Variants in SPNS3 observed in about 807,000 individuals in gnomAD.
SPNS3 encodes protein spinster homolog 3.
In SPNS3, 51 loss-of-function variants were observed where a neutral mutation model predicts 54.4. The observed-to-expected ratio is 0.94, with a 90% CI of 0.75 to 1.18. The LOEUF is 1.18. Among genes scored for constraint, SPNS3 ranks in the 50% most tolerant of loss-of-function variants. SPNS3 has a pLI of 0.00. For missense variants in SPNS3, 669 were observed against 677.4 expected (o/e 0.99, Z 0.14); for synonymous variants, 309 against 294.7 (o/e 1.05, Z -0.50).
At chr17:4,436,216 G>T (rs773665818) in intron 1 of SPNS3, among the ~76,000 whole-genome samples, 1 of 152,182 alleles carries the variant, frequency 6.6e-6, no homozygotes, top group Non-Finnish European at 1.5e-5. Context: ...GGTGCCTGCA[G>T]CTGCCAGGCA....
At chr17:4,465,044 T>G (rs1215523409) in intron 8 of SPNS3, among the ~76,000 whole-genome samples, 2 of 152,230 alleles carry the variant, frequency 1.3e-5, no homozygotes, top group Non-Finnish European at 2.9e-5. Flanking sequence ...CAAGAACATT[T>G]ATTTTGCTCA....
chr17:4,458,148 G>A (rs62064861), intron 8 of SPNS3, among the ~76,000 whole-genome samples: 24,072 of 151,838 alleles, frequency 0.16, 1,936 homozygotes, highest in Middle Eastern at 0.23. Flanking sequence ...CCTCCTCTCC[G>A]TCCTCTCTGC....
intron 8 of SPNS3, among the ~76,000 whole-genome samples, chr17:4,460,609 T>TA (rs1409601604): frequency 1.2e-4 from 17 of 142,912 alleles, no homozygotes; most frequent in Non-Finnish European, 1.5e-4. Flanking sequence ...TTTTTTGTAT[T>TA]TTTTTTTTTT....
intron 8 of SPNS3, among the ~76,000 whole-genome samples, chr17:4,463,223 C>A (rs144997869): frequency 0.015 from 2,347 of 151,522 alleles, 56 homozygotes; most frequent in African/African-American, 0.054. Flanking sequence ...CATGGTGAAA[C>A]CCTGTCTCTA....
At chr17:4,482,891 C>T (rs1419049540) in intron 9 of SPNS3, among the ~76,000 whole-genome samples, 1 of 152,170 alleles carries the variant, frequency 6.6e-6, no homozygotes, top group Non-Finnish European at 1.5e-5. Flanking sequence ...CCCAGGGGCA[C>T]GATCTCTGGA....
At chr17:4,476,463 C>T (rs1412789322) in intron 8 of SPNS3, among the ~76,000 whole-genome samples, 8 of 152,046 alleles carry the variant, frequency 5.3e-5, no homozygotes, top group Admixed American at 2.0e-4. Flanking sequence ...TGGGGGACAG[C>T]GTGCCTGGGC....
chr17:4,448,538 G>A (rs966624689), intron 6 of SPNS3, among the ~76,000 whole-genome samples: 4 of 152,196 alleles, frequency 2.6e-5, no homozygotes, highest in Non-Finnish European at 5.9e-5. Flanking sequence ...GGGAGATGGC[G>A]TGAGCCCCAG....
chr17:4,456,925 G>A (rs901683907), intron 8 of SPNS3, among the ~76,000 whole-genome samples: 7 of 152,120 alleles, frequency 4.6e-5, no homozygotes, highest in Non-Finnish European at 8.8e-5. Flanking sequence ...ATTTTGACCA[G>A]GCTGGTCTCA....
At chr17:4,467,048 G>A (rs1971695148) in intron 8 of SPNS3, among the ~76,000 whole-genome samples, 1 of 152,162 alleles carries the variant, frequency 6.6e-6, no homozygotes, top group African/African-American at 2.4e-5. Flanking sequence ...CCATGCGGAG[G>A]GCAGCCTGTG....
At chr17:4,484,573 A>C (rs1202329407) in intron 9 of SPNS3, among the ~76,000 whole-genome samples, 1 of 152,142 alleles carries the variant, frequency 6.6e-6, no homozygotes, top group Non-Finnish European at 1.5e-5. Flanking sequence ...CACCTGCCTC[A>C]GTCTCCCAAA....
intron 3 of SPNS3, among the ~76,000 whole-genome samples, chr17:4,445,537 A>G (rs1597306958): frequency 6.6e-6 from 1 of 152,110 alleles, no homozygotes; most frequent in African/African-American, 2.4e-5. Flanking sequence ...CACCACGCCC[A>G]GCTAATTTTT....
chr17:4,478,439 G>A (rs914627725), intron 8 of SPNS3, 133 bp from the exon 9 acceptor site: 34 of 763,912 alleles, frequency 4.5e-5, no homozygotes, highest in Middle Eastern at 2.4e-4. Flanking sequence ...GGCCTTCCTC[G>A]CTCACTCCAA....
intron 9 of SPNS3, among the ~76,000 whole-genome samples, chr17:4,484,318 ATTATT>A (rs1445645579): frequency 6.6e-6 from 1 of 152,142 alleles, no homozygotes; most frequent in Non-Finnish European, 1.5e-5. Context: ...GGCAATTATT[ATTATT>A]TTATTATTAT....
chr17:4,437,098 C>T (rs1043737322), intron 1 of SPNS3, among the ~76,000 whole-genome samples: 4 of 152,168 alleles, frequency 2.6e-5, no homozygotes, highest in East Asian at 3.9e-4. Flanking sequence ...GAAGTGAAAC[C>T]GTGCTGAGCA....
chr17:4,486,517 G>A lies in SPNS3; in HGVS notation c.1384G>A (p.Gly462Ser), dbSNP rs372597861. Reference sequence around the variant, plus strand: ...CGCCTTTGTCATCGCCCTGGGGGGCGGCTGCTTCCTGCTGACTGCGCTGTA... The same window carrying A: ...CGCCTTTGTCATCGCCCTGGGGGGCAGCTGCTTCCTGCTGACTGCGCTGTA... The part of the protein sequence containing the change: ...CCAFVIALGG[G>S]CFLLTALYLE... Residue 462 changes from glycine (G) to serine (S), a missense_variant, in exon 11 of 12, where the codon GGC becomes AGC. Coordinates refer to ENST00000355530, the MANE Select transcript of SPNS3 (RefSeq NM_182538.5). The surrounding 1 kb of genome is among the most constrained non-coding windows in gnomAD (Gnocchi z 5.5). 24 of 1,613,638 alleles carry A rather than the reference G, an allele frequency of 1.5e-5. No homozygotes were observed. Among genetic ancestry groups the A allele is most frequent in the Admixed American group, 6.7e-5 (4 of 60,004 alleles).
intron 9 of SPNS3, chr17:4,482,420 A>T (rs1395764187): frequency 2.6e-5 from 4 of 151,982 alleles, no homozygotes; most frequent in African/African-American, 9.7e-5. Flanking sequence ...TTCCCAAGTG[A>T]TCCTGCCGTA....
At chr17:4,434,249 C>A in intron 1 of SPNS3, 83 bp downstream of exon 1, 2 of 1,321,950 alleles carry the variant, frequency 1.5e-6, no homozygotes, top group Non-Finnish European at 2.1e-6. Flanking sequence ...GGCCTTCCAG[C>A]CATCACCCAT....
At chr17:4,443,481 C>T (rs142930708) in intron 2 of SPNS3, among the ~76,000 whole-genome samples, 114 of 152,298 alleles carry the variant, frequency 7.5e-4, no homozygotes, top group Middle Eastern at 3.4e-3. Context: ...TAAACACTTC[C>T]GTATGATGGT....
At chr17:4,440,207 A>G (rs573830726) in intron 2 of SPNS3, among the ~76,000 whole-genome samples, 1 of 152,342 alleles carries the variant, frequency 6.6e-6, no homozygotes, top group East Asian at 1.9e-4. Flanking sequence ...ACCCAGCAGC[A>G]GGGAGCAGCC....
Sources: gnomAD v4.1 joint callset for allele counts (sites outside exome capture counted in the v4.1 genomes callset) on GRCh38, gnomAD v4.1.1 for gene constraint, Gnocchi (gnomAD v3.1) non-coding constraint, MANE v1.5 for transcripts, NCBI Gene and HGNC (gene_info 2026-07-23, HGNC 2026-07-21) for gene names.